Variants in DPP6 observed in about 807,000 individuals in gnomAD.
DPP6 encodes A-type potassium channel modulatory protein DPP6.
In DPP6, 69 loss-of-function variants were observed where a neutral mutation model predicts 122.6. That is an observed-to-expected ratio of 0.56 (90% CI 0.46 to 0.69). The LOEUF is 0.69. Ranked by LOEUF, DPP6 falls within the 30% of genes least tolerant of loss-of-function variation. The pLI, the probability that DPP6 is intolerant of heterozygous loss-of-function variation, is 0.00. For synonymous variants in DPP6, 418 were observed against 433.1 expected, an observed-to-expected ratio of 0.97 and a Z score of 0.43; for missense variants, 928 against 1,116.9, an observed-to-expected ratio of 0.83 and a Z score of 2.41.
At chr7:154,808,022 A>G (rs904653759) in intron 16 of DPP6, among the ~76,000 whole-genome samples, 1 of 152,112 alleles carries the variant, frequency 6.6e-6, no homozygotes, top group Non-Finnish European at 1.5e-5. Flanking sequence ...TTGGAAAGAT[A>G]TGATATGAAC....
the DPP6 span, among the ~76,000 whole-genome samples, chr7:153,837,266 T>G: frequency 6.6e-6 from 1 of 152,194 alleles, no homozygotes; most frequent in South Asian, 2.1e-4. Flanking sequence ...TGTGTTTTTT[T>G]TTGTTTTTAA....
Position 154,736,785 on chromosome 7 carries a change from A to G in DPP6, c.883+8898A>G, listed in dbSNP as rs554342737. On this transcript the variant is annotated intron_variant, in intron 8 of 25. Coordinates refer to ENST00000377770, the MANE Select transcript of DPP6 (RefSeq NM_130797.4). ...CAGTGACTCTCTGAGTACTTAATAA[A>G]TGTTCAGAAAATACTTTTGAATGAG... is the stretch of plus-strand genomic sequence containing the variant. Among the ~76,000 whole-genome samples the G allele has an allele frequency of 3.9e-5, 6 of 152,358 alleles. No individual in the cohort carries two copies. In the East Asian group the frequency reaches 1.2e-3, roughly 29 times the overall value.
intron 6 of DPP6, among the ~76,000 whole-genome samples, chr7:154,647,906 G>A (rs1428701378): frequency 6.6e-6 from 1 of 151,996 alleles, no homozygotes; most frequent in African/African-American, 2.4e-5. Context: ...TCCCTGGGTG[G>A]CCAAGCCTGG....
Position 154,875,777 on chromosome 7 carries a change from A to T in DPP6, c.1884-129A>T. 1.5e-6 allele frequency: 2 copies of T among 1,301,266 alleles called. No homozygotes were observed. The highest frequency in any genetic ancestry group is 2.1e-6 in the Non-Finnish European group (2 of 959,496). 80.6% of individuals were successfully genotyped at this position (1,301,266 alleles called of 1,614,324 possible). On this transcript the variant is annotated intron_variant, in intron 19 of 25. Coordinates refer to ENST00000377770, the MANE Select transcript of DPP6 (RefSeq NM_130797.4). This position sits in a 1 kb window ranked among gnomAD's most constrained non-coding sequence, Gnocchi z 4.5. ...TGCCCGGGGCAACAGAATCTGGGGT[A>T]TGGAGTTGAGCGTGTGGCAGCCGGG...
intron 1 of DPP6, among the ~76,000 whole-genome samples, chr7:154,315,897 G>T (rs1807390846): frequency 6.6e-6 from 1 of 152,156 alleles, no homozygotes; most frequent in Non-Finnish European, 1.5e-5. Context: ...CCTGTACCTT[G>T]ACACACATAT....
intron 7 of DPP6, among the ~76,000 whole-genome samples, chr7:154,684,195 C>T (rs1839458273): frequency 6.6e-6 from 1 of 152,060 alleles, no homozygotes; most frequent in African/African-American, 2.4e-5. Flanking sequence ...TCCCCCACCC[C>T]TCACCCCTAA....
intron 1 of DPP6, among the ~76,000 whole-genome samples, chr7:154,134,511 C>T (rs1280244984): frequency 6.6e-6 from 1 of 152,134 alleles, no homozygotes. Context: ...TGGGCTCCCT[C>T]CCGTCCCAGC....
intron 21 of DPP6, chr7:154,884,690 CATGATCACACAGGCACACAT>C (rs1805966041): frequency 1.4e-5 from 1 of 70,020 alleles, no homozygotes; most frequent in Non-Finnish European, 2.9e-5. Context: ...CACAAGCACA[CATGATCACACAGGCACACAT>C]GATCACACAT....
intron 1 of DPP6, among the ~76,000 whole-genome samples, chr7:153,991,856 C>G (rs1416937629): frequency 2.0e-5 from 3 of 151,850 alleles, no homozygotes; most frequent in Non-Finnish European, 2.9e-5. Context: ...TATTACACTC[C>G]CTGTCTTAGT....
chr7:154,429,644 T>A (rs1818193711), intron 1 of DPP6, among the ~76,000 whole-genome samples: 2 of 152,204 alleles, frequency 1.3e-5, no homozygotes, highest in African/African-American at 2.4e-5. Flanking sequence ...ATCAGGAAGA[T>A]GTGTCACTGT....
intron 1 of DPP6, among the ~76,000 whole-genome samples, chr7:154,289,359 A>T (rs1805057629): frequency 6.6e-6 from 1 of 152,118 alleles, no homozygotes; most frequent in Admixed American, 6.5e-5. Flanking sequence ...AGGGTAACTG[A>T]TCTAATTATG....
the DPP6 span, among the ~76,000 whole-genome samples, chr7:153,880,466 A>T: frequency 6.6e-6 from 1 of 152,200 alleles, no homozygotes; most frequent in South Asian, 2.1e-4. Flanking sequence ...TACTTCTTAC[A>T]CTTCCTTAAG....
At chr7:154,525,393 A>G (rs1827324021) in intron 3 of DPP6, among the ~76,000 whole-genome samples, 1 of 152,194 alleles carries the variant, frequency 6.6e-6, no homozygotes. Context: ...CCTGGGCTCA[A>G]GCTATTCTCC....
Position 154,530,990 on chromosome 7 carries a change from C to A in DPP6, c.458-9542C>A, listed in dbSNP as rs138685526. Among the ~76,000 whole-genome samples, 1,137 of 152,092 alleles carry A rather than the reference C, an allele frequency of 7.5e-3. 9 individuals are homozygous for A. The highest frequency in any genetic ancestry group is 0.011 in the Non-Finnish European group (737 of 67,992). ...TGCAGGGAACAACACACACTGGGGC[C>A]TATTGAGGGGAGGCGTTGGGGGAGG... On this transcript the variant is annotated intron_variant, in intron 3 of 25. Coordinates refer to ENST00000377770, the MANE Select transcript of DPP6 (RefSeq NM_130797.4).
At chr7:154,773,914 G>A (rs1371265959) in intron 10 of DPP6, among the ~76,000 whole-genome samples, 1 of 152,148 alleles carries the variant, frequency 6.6e-6, no homozygotes, top group Non-Finnish European at 1.5e-5. Flanking sequence ...CTCCTGCAGT[G>A]GCTCCAGTGC....
rs544051920 is a variant in DPP6, at chr7:154,664,169, A to G, written c.681-5191A>G. On this transcript the variant is annotated intron_variant, in intron 6 of 25. Coordinates refer to ENST00000377770, the MANE Select transcript of DPP6 (RefSeq NM_130797.4). ...AGTGTTCATATAGTCATGGTGAATC[A>G]CTATGGCATATTGGCGCTAGTGTTC... 5.9e-4 allele frequency among the ~76,000 whole-genome samples: 89 copies of G among 150,540 alleles called. 6 individuals carry two copies. The highest frequency in any genetic ancestry group is 2.2e-3 in the African/African-American group (89 of 41,192).
chr7:154,574,448 GGT>G (rs1263822584), intron 5 of DPP6, among the ~76,000 whole-genome samples: 15 of 119,066 alleles, frequency 1.3e-4, no homozygotes, highest in East Asian at 1.3e-3. Context: ...GTATGTGTGT[GGT>G]GTGTGTGTGG....
intron 1 of DPP6, among the ~76,000 whole-genome samples, chr7:154,236,330 C>A (rs916759902): frequency 6.6e-6 from 1 of 152,098 alleles, no homozygotes; most frequent in Non-Finnish European, 1.5e-5. Context: ...ATAGGTCACA[C>A]AATATATCAG....
intron 6 of DPP6, among the ~76,000 whole-genome samples, chr7:154,668,697 C>T (rs1216459448): frequency 6.6e-6 from 1 of 152,146 alleles, no homozygotes; most frequent in Non-Finnish European, 1.5e-5. Context: ...ATATTTAATA[C>T]TTATAAAATG....
Sources: gnomAD v4.1 joint callset for allele counts (sites outside exome capture counted in the v4.1 genomes callset) on GRCh38, gnomAD v4.1.1 for gene constraint, Gnocchi (gnomAD v3.1) non-coding constraint, MANE v1.5 for transcripts, NCBI Gene and HGNC (gene_info 2026-07-23, HGNC 2026-07-21) for gene names.